Variants in FRYL observed in about 807,000 individuals in gnomAD.
FRYL encodes protein furry homolog-like.
In FRYL, 150 loss-of-function variants were observed where a neutral mutation model predicts 351.2. The ratio of observed to expected loss-of-function variants is 0.43; its 90% CI spans 0.37 to 0.49. The LOEUF (loss-of-function observed/expected upper bound fraction) is 0.49. Ranked by LOEUF, FRYL falls within the 20% of genes least tolerant of loss-of-function variation. FRYL has a pLI of 0.00. For synonymous variants in FRYL, 1,153 were observed against 1,257.1 expected, an observed-to-expected ratio of 0.92 and a Z score of 1.75; for missense variants, 3,036 against 3,619.3, an observed-to-expected ratio of 0.84 and a Z score of 4.13.
chr4:48,672,862 TG>T (rs1762956903), intron 3 of FRYL, among the ~76,000 whole-genome samples: 1 of 152,218 alleles, frequency 6.6e-6, no homozygotes. Context: ...AAAAAGAAAG[TG>T]GCCTGTCATG....
chr4:48,698,880 T>C (rs896017146), intron 2 of FRYL, among the ~76,000 whole-genome samples: 6 of 147,970 alleles, frequency 4.1e-5, no homozygotes, highest in Non-Finnish European at 5.9e-5. Flanking sequence ...TATAGGAGGG[T>C]AGAATTCAGA....
chr4:48,621,887 G>C (rs1750712667), intron 5 of FRYL, among the ~76,000 whole-genome samples: 1 of 151,878 alleles, frequency 6.6e-6, no homozygotes, highest in Admixed American at 6.6e-5. Flanking sequence ...TAATTTGACA[G>C]GTAAATAGTT....
At chr4:48,744,725 C>T (rs1265862940) in intron 1 of FRYL, among the ~76,000 whole-genome samples, 1 of 152,046 alleles carries the variant, frequency 6.6e-6, no homozygotes, top group Non-Finnish European at 1.5e-5. Flanking sequence ...AAAATCCTTC[C>T]CATACTTAGT....
chr4:48,711,528 G>T (rs1457632816), intron 1 of FRYL, among the ~76,000 whole-genome samples: 1 of 152,248 alleles, frequency 6.6e-6, no homozygotes, highest in African/African-American at 2.4e-5. Flanking sequence ...GCCCACCATT[G>T]CCCAGGCTTG....
At chr4:48,592,082 T>TAATATATA (rs888017807) in intron 16 of FRYL, among the ~76,000 whole-genome samples, 26 of 116,176 alleles carry the variant, frequency 2.2e-4, no homozygotes, top group African/African-American at 9.9e-4. Context: ...AATAAAGCTC[T>TAATATATA]TATATATATA....
chr4:48,653,837 CAGA>C (rs1758219577), intron 3 of FRYL: 1 of 1,287,302 alleles, frequency 7.8e-7, no homozygotes, highest in South Asian at 1.2e-5. Context: ...GCAGCAGAAG[CAGA>C]AGCAGCAGCA....
rs190220867 is a variant in FRYL, at chr4:48,720,784, T to C, written c.-383-10086A>G. 1.2e-4 allele frequency among the ~76,000 whole-genome samples: 19 copies of C among 152,334 alleles called. No individual in the cohort carries two copies. The East Asian group carries it at 3.7e-3, about 29-fold the overall frequency. The stretch of plus-strand genomic sequence containing the variant: ...CTGGTTTATTTCACTAAGCGTGATG[T>C]CCTCAAGATTCATCTATGTTGTTAT... On this transcript the variant is annotated intron_variant, in intron 1 of 63. Coordinates refer to ENST00000358350, the MANE Select transcript of FRYL (RefSeq NM_015030.2).
intron 1 of FRYL, among the ~76,000 whole-genome samples, chr4:48,712,240 G>A (rs1396244013): frequency 6.6e-6 from 1 of 152,170 alleles, no homozygotes; most frequent in Non-Finnish European, 1.5e-5. Context: ...CGAGTTGAGA[G>A]AAGAAGGCTT....
At chr4:48,502,885 A>G (rs1298803832) in intron 60 of FRYL, 40 bp from the exon 61 acceptor site, 3 of 1,567,504 alleles carry the variant, frequency 1.9e-6, no homozygotes, top group Non-Finnish European at 2.6e-6. Flanking sequence ...AATACAAAGG[A>G]AGAAAAAGAC....
chr4:48,609,339 G>A (rs1447042480), intron 8 of FRYL, among the ~76,000 whole-genome samples: 2 of 152,148 alleles, frequency 1.3e-5, no homozygotes, highest in Non-Finnish European at 2.9e-5. Context: ...AGAAATGGGG[G>A]CTGGGTGCAG....
chr4:48,669,863 G>A (rs903434962), intron 3 of FRYL, among the ~76,000 whole-genome samples: 21 of 151,734 alleles, frequency 1.4e-4, no homozygotes, highest in African/African-American at 3.6e-4. Context: ...ATATACATCC[G>A]TGTAACTTTG....
intron 2 of FRYL, among the ~76,000 whole-genome samples, chr4:48,707,601 A>G (rs772109350): frequency 2.6e-5 from 4 of 151,712 alleles, no homozygotes; most frequent in African/African-American, 4.8e-5. Context: ...TTTTACAGAC[A>G]CTAGAAAAAA....
At chr4:48,558,294 G>A (rs1431403637) in intron 33 of FRYL, among the ~76,000 whole-genome samples, 5 of 152,220 alleles carry the variant, frequency 3.3e-5, no homozygotes, top group African/African-American at 1.2e-4. Flanking sequence ...GAAGCTTGAT[G>A]ACATTATGTT....
intron 5 of FRYL, among the ~76,000 whole-genome samples, chr4:48,622,751 T>G (rs1313836694): frequency 1.3e-5 from 2 of 152,080 alleles, no homozygotes; most frequent in Non-Finnish European, 2.9e-5. Context: ...ACAAGAGTTG[T>G]TAGACACCGG....
chr4:48,524,093 A>C (rs1200022405), intron 53 of FRYL, among the ~76,000 whole-genome samples: 1 of 152,110 alleles, frequency 6.6e-6, no homozygotes, highest in African/African-American at 2.4e-5. Context: ...CTGATATGAC[A>C]AACTATATTG....
In FRYL at chr4:48,566,046, G is replaced by C. The variant is rs143583883; in HGVS notation, c.3170-355C>G. On this transcript the variant is annotated intron_variant, in intron 28 of 63. Transcript: ENST00000358350. ...TAAGATTGGCCAAGATTTTAACACA[G>C]ACACACCTCTGTATCTTGGTTCACT... is the stretch of plus-strand genomic sequence containing the variant. Among the ~76,000 whole-genome samples the C allele has an allele frequency of 2.7e-4, 41 of 152,330 alleles. No homozygotes were observed. In the East Asian group the frequency reaches 4.8e-3, roughly 18 times the overall value.
At chr4:48,695,552 G>A (rs1424912964) in intron 2 of FRYL, among the ~76,000 whole-genome samples, 1 of 151,926 alleles carries the variant, frequency 6.6e-6, no homozygotes, top group African/African-American at 2.4e-5. Flanking sequence ...AAATGCCACA[G>A]AACAAATACT....
chr4:48,754,054 C>T (rs1773517906), intron 1 of FRYL, among the ~76,000 whole-genome samples: 1 of 152,144 alleles, frequency 6.6e-6, no homozygotes, highest in African/African-American at 2.4e-5. Flanking sequence ...ATCCACTAAC[C>T]ATCTTAAAGT....
At chr4:48,626,814 C>T (rs947976165) in intron 4 of FRYL, among the ~76,000 whole-genome samples, 1 of 152,056 alleles carries the variant, frequency 6.6e-6, no homozygotes, top group African/African-American at 2.4e-5. Context: ...TGTGATTAAT[C>T]TTTATGAAAA....
Sources: allele counts gnomAD v4.1 joint callset (sites outside exome capture counted in the v4.1 genomes callset), GRCh38; gene constraint gnomAD v4.1.1; transcripts MANE v1.5; gene names NCBI Gene and HGNC (gene_info 2026-07-23, HGNC 2026-07-21).